F11: variants seen among roughly 807,000 people sequenced by gnomAD.
The protein encoded by F11 is coagulation factor XI.
In F11, 78 loss-of-function variants were observed where a neutral mutation model predicts 76.5. The observed-to-expected ratio is 1.02, with a 90% CI of 0.85 to 1.23. The LOEUF (loss-of-function observed/expected upper bound fraction) is 1.23, where lower values mean the gene tolerates loss of function less well. Ranked by LOEUF, F11 falls within the 50% of genes most tolerant of loss-of-function variation. The pLI is 0.00. For missense variants in F11, 742 were observed against 771.4 expected (o/e 0.96, Z 0.45); for synonymous variants, 278 against 276.3 (o/e 1.01, Z -0.06).
In F11 at chr4:186,289,370, A is replaced by T. The variant is rs899555371; in HGVS notation, c.*756A>T. Among the ~76,000 whole-genome samples, 1 of 152,168 alleles carries T rather than the reference A, an allele frequency of 6.6e-6. No homozygotes were observed. The highest frequency in any genetic ancestry group is 2.4e-5 in the African/African-American group (1 of 41,426). Reference sequence around the variant, plus strand: ...GGAGGGGAGGCTGATGGAGATAGGGAGCATGCTCAAACCTCCCTAAGACAA... The same window carrying T: ...GGAGGGGAGGCTGATGGAGATAGGGTGCATGCTCAAACCTCCCTAAGACAA... On this transcript the variant is annotated 3_prime_UTR_variant, in exon 15 of 15. Coordinates refer to ENST00000403665, the MANE Select transcript of F11 (RefSeq NM_000128.4).
At chr4:186,281,801 A>T in intron 10 of F11, 1 of 1,000,800 alleles carries the variant, frequency 1.0e-6, no homozygotes, top group Non-Finnish European at 1.3e-6. Context: ...GCACAAAAAC[A>T]TTCTGTGTCA....
chr4:186,274,582 C>G (rs933886069), intron 5 of F11: 6 of 396,758 alleles, frequency 1.5e-5, no homozygotes, highest in African/African-American at 1.2e-4. Flanking sequence ...ATTGTCAGTG[C>G]CCTTCCCAGT....
intron 10 of F11, chr4:186,282,656 A>G: frequency 1.0e-6 from 1 of 985,262 alleles, no homozygotes; most frequent in Non-Finnish European, 1.2e-6. Flanking sequence ...CTATTTACCT[A>G]TTAATTTTCC....
chr4:186,276,221 C>A lies in F11; in HGVS notation c.596-10C>A, dbSNP rs1298808236. 1.9e-6 allele frequency: 3 copies of A among 1,614,058 alleles called. No individual in the cohort carries two copies. Among genetic ancestry groups the A allele is most frequent in the Admixed American group, 1.7e-5 (1 of 60,010 alleles). ...AATTGAGTCCCTGACATAGTTCTTC[C>A]GTCGCGCAGCTTGTATTAGGGACAT... On this transcript the variant is annotated splice_polypyrimidine_tract_variant and intron_variant, in intron 6 of 14. Transcript: ENST00000403665.
intron 10 of F11, chr4:186,281,891 G>T: frequency 8.1e-7 from 1 of 1,232,736 alleles, no homozygotes; most frequent in Non-Finnish European, 1.1e-6. Flanking sequence ...ACGTTATATT[G>T]CCTCCAACAC....
In F11 at chr4:186,267,153, A is replaced by C; in HGVS notation, c.17A>C (p.Gln6Pro). Residue 6 changes from glutamine to proline, a missense_variant, in exon 2 of 15, where the codon CAA becomes CCA. Transcript: ENST00000403665. MIFLY[Q>P]VVHFILFTSV... The stretch of plus-strand genomic sequence containing the variant: ...CATTGTAGGATGATTTTCTTATATC[A>C]AGTGGTACATTTCATTTTATTTACT... 6.3e-7 allele frequency: 1 copy of C among 1,578,962 alleles called. No homozygotes were observed. The highest frequency in any genetic ancestry group is 2.2e-5 in the East Asian group (1 of 44,700).
chr4:186,284,348 C>T (rs920224479), intron 11 of F11, 88 bp downstream of exon 11: 23 of 1,285,934 alleles, frequency 1.8e-5, no homozygotes, highest in Non-Finnish European at 2.4e-5. Flanking sequence ...AATACTTTAA[C>T]CAATTAGATT....
chr4:186,266,940 T>G lies in F11; in HGVS notation c.-1-196T>G, dbSNP rs4253399. ...CCGGCTTCTGCAGAGCTGTAAGAGT[T>G]GAATGCCACACACAGTCACACTAAG... is the stretch of plus-strand genomic sequence containing the variant. On this transcript the variant is annotated intron_variant, in intron 1 of 14. Transcript: ENST00000403665. 0.3 allele frequency among the ~76,000 whole-genome samples: 46,129 copies of G among 151,496 alleles called. 8,129 individuals are homozygous for G. The highest frequency in any genetic ancestry group is 0.39 in the Non-Finnish European group (26,300 of 67,914).
chr4:186,284,507 A>G (rs1013073632), intron 11 of F11, among the ~76,000 whole-genome samples: 2 of 152,048 alleles, frequency 1.3e-5, no homozygotes, highest in African/African-American at 4.8e-5. Context: ...TCACATCCCC[A>G]AGGGCCTTCA....
At chr4:186,268,788 C>T (rs1739697199) in intron 2 of F11, among the ~76,000 whole-genome samples, 1 of 151,930 alleles carries the variant, frequency 6.6e-6, no homozygotes, top group Non-Finnish European at 1.5e-5. Context: ...TGAGATGTAA[C>T]CGAATCAGTG....
Position 186,280,298 on chromosome 4 carries a change from A to G in F11, c.941A>G (p.His314Arg). ...EELDIVAAKS[H>R]EACQKLCTNA... ...CTGGATATTGTTGCTGCAAAAAGTC[A>G]CGAGGCCTGCCAGAAACTGTGCACC... Residue 314 changes from histidine to arginine, a missense_variant, in exon 9 of 15, where the codon CAC becomes CGC. Coordinates refer to ENST00000403665, the MANE Select transcript of F11 (RefSeq NM_000128.4). The G allele has an allele frequency of 6.2e-7, 1 of 1,614,204 alleles. No individual in the cohort carries two copies. Among genetic ancestry groups the G allele is most frequent in the Non-Finnish European group, 8.5e-7 (1 of 1,180,040 alleles).
At chr4:186,272,956 A>C (rs1268341097) in intron 3 of F11, 115 bp from the exon 4 acceptor site, 2 of 680,570 alleles carry the variant, frequency 2.9e-6, no homozygotes, top group Non-Finnish European at 5.2e-6. Flanking sequence ...TTGTTTTGGC[A>C]TGAGATAAAG....
intron 2 of F11, among the ~76,000 whole-genome samples, chr4:186,267,456 G>C (rs1236734370): frequency 6.6e-6 from 1 of 152,130 alleles, no homozygotes; most frequent in African/African-American, 2.4e-5. Context: ...ATATTTAAAA[G>C]CAATATTAAA....
intron 5 of F11, 65 bp from the exon 6 acceptor site, chr4:186,275,722 A>G (rs1740310156): frequency 5.0e-6 from 6 of 1,205,924 alleles, no homozygotes; most frequent in Non-Finnish European, 7.2e-6. Context: ...CTTTCTTAAT[A>G]TCTCATGTTT....
At chr4:186,271,433 C>T (rs1052263676) in intron 2 of F11, among the ~76,000 whole-genome samples, 176 bp from the exon 3 acceptor site, 2 of 152,174 alleles carry the variant, frequency 1.3e-5, no homozygotes, top group African/African-American at 4.8e-5. Flanking sequence ...TTTTCGTTTC[C>T]ACCTGAGGCT....
rs762616690 is a variant in F11 at position 186,284,232 on chromosome 4, A to G, written c.1276A>G (p.Ile426Val). 6.2e-7 allele frequency: 1 copy of G among 1,614,218 alleles called. No individual in the cohort carries two copies. Among genetic ancestry groups the G allele is most frequent in the South Asian group, 1.1e-5 (1 of 91,084 alleles). The change falls in exon 11 of 15, where the codon ATA becomes GTA. Residue 426 changes from isoleucine (I) to valine (V), a missense_variant. By Grantham distance (29) the Ile-to-Val change is conservative. Coordinates refer to ENST00000403665, the MANE Select transcript of F11 (RefSeq NM_000128.4). ...AGGCTCCATCATTGGAAACCAGTGG[A>G]TATTAACAGCCGCTCACTGTTTCTA... is the stretch of plus-strand genomic sequence containing the variant. Reference protein sequence around the residue: ...CGGSIIGNQWILTAAHCFYGV... With the variant: ...CGGSIIGNQWVLTAAHCFYGV...
At position 186,277,660 on chromosome 4, in the gene F11, G is replaced by A. The variant is rs4253842; in HGVS notation, c.755+1270G>A. ...GGAAATGAATGTCTCCATCAAGTGGGTTAGGGTGGTGGTGGAGGGAGGTTT... is the reference window on the plus strand; with the variant it reads ...GGAAATGAATGTCTCCATCAAGTGGATTAGGGTGGTGGTGGAGGGAGGTTT... On this transcript the variant is annotated intron_variant, in intron 7 of 14. Transcript: ENST00000403665. 7.0e-3 allele frequency among the ~76,000 whole-genome samples: 1,070 copies of A among 152,304 alleles called. 9 individuals carry two copies. The highest frequency in any genetic ancestry group is 0.024 in the African/African-American group (1,013 of 41,552).
At chr4:186,280,964 G>A (rs1016518442) in intron 10 of F11, among the ~76,000 whole-genome samples, 4 of 148,706 alleles carry the variant, frequency 2.7e-5, no homozygotes, top group Admixed American at 6.8e-5. Flanking sequence ...TCCTGGACTC[G>A]AACAATCCTC....
chr4:186,283,202 T>C (rs2126769104), intron 10 of F11: 1 of 212,288 alleles, frequency 4.7e-6, no homozygotes, highest in South Asian at 1.7e-4. Context: ...TTGAGTCGCA[T>C]AGGTGTGTGC....
Sources: gnomAD v4.1 joint callset for allele counts (sites outside exome capture counted in the v4.1 genomes callset) on GRCh38, gnomAD v4.1.1 for gene constraint, MANE v1.5 for transcripts, NCBI Gene and HGNC (gene_info 2026-07-23, HGNC 2026-07-21) for gene names.